TSPAN18: variants seen among roughly 807,000 people sequenced by gnomAD.
TSPAN18 encodes tetraspanin 18.
Under a neutral mutation model 27.3 loss-of-function variants are expected in TSPAN18, and 14 were observed. The ratio of observed to expected loss-of-function variants is 0.51; its 90% confidence interval spans 0.34 to 0.80. TSPAN18 has a LOEUF of 0.80. Among genes scored for constraint, TSPAN18 ranks in the 30% least tolerant of loss-of-function variants. TSPAN18 has a pLI of 0.01. For synonymous variants in TSPAN18, 143 were observed against 136.5 expected, an observed-to-expected ratio of 1.05 and a Z score of -0.33; for missense variants, 268 against 323.9, an observed-to-expected ratio of 0.83 and a Z score of 1.32.
intron 1 of TSPAN18, among the ~76,000 whole-genome samples, chr11:44,728,261 C>G (rs4755278): frequency 0.96 from 146,766 of 152,332 alleles, 70,824 homozygotes; most frequent in Non-Finnish European, 1. Context: ...GGGAAGGCTG[C>G]CAGGGCAAAT....
At position 44,823,459 on chromosome 11, in the gene TSPAN18, G is replaced by T. The variant is rs970824515; in HGVS notation, c.-152-36869G>T. Reference sequence around the variant, plus strand: ...CAGGGCTTTTTATGGACTCACAATGGTGAGTGCATGCCAATTGATTTAGGA... The same window carrying T: ...CAGGGCTTTTTATGGACTCACAATGTTGAGTGCATGCCAATTGATTTAGGA... On this transcript the variant is annotated intron_variant, in intron 2 of 9. Transcript: ENST00000520358. Among the ~76,000 whole-genome samples, 4 of 151,994 alleles carry T rather than the reference G, an allele frequency of 2.6e-5. No homozygotes were observed. The East Asian group carries it at 5.8e-4, about 22-fold the overall frequency.
At chr11:44,877,803 G>A (rs1222463078) in intron 3 of TSPAN18, among the ~76,000 whole-genome samples, 3 of 151,786 alleles carry the variant, frequency 2.0e-5, no homozygotes, top group Admixed American at 6.6e-5. Flanking sequence ...TAAGCTAGTC[G>A]TGGGAAAATA....
At chr11:44,743,876 G>C (rs1010131681) in intron 1 of TSPAN18, among the ~76,000 whole-genome samples, 4 of 152,206 alleles carry the variant, frequency 2.6e-5, no homozygotes, top group African/African-American at 9.6e-5. Flanking sequence ...CACCATCCGA[G>C]TACCCGGTTT....
chr11:44,866,788 A>T (rs1252761806), intron 3 of TSPAN18, among the ~76,000 whole-genome samples: 1 of 152,204 alleles, frequency 6.6e-6, no homozygotes, highest in Non-Finnish European at 1.5e-5. Context: ...CTTCAGCCTA[A>T]GCTGTCTTCC....
chr11:44,729,379 G>A (rs1389306905), intron 1 of TSPAN18, among the ~76,000 whole-genome samples: 1 of 152,140 alleles, frequency 6.6e-6, no homozygotes, highest in Non-Finnish European at 1.5e-5. Flanking sequence ...GAAGGCCAGC[G>A]TTTCCCGTGT....
chr11:44,826,072 A>G (rs1312190610), intron 2 of TSPAN18, among the ~76,000 whole-genome samples: 1 of 152,178 alleles, frequency 6.6e-6, no homozygotes, highest in East Asian at 1.9e-4. Context: ...ACACTCTTAC[A>G]CCACACACAA....
At chr11:44,772,106 C>G (rs1449539322) in intron 2 of TSPAN18, among the ~76,000 whole-genome samples, 1 of 152,140 alleles carries the variant, frequency 6.6e-6, no homozygotes, top group Non-Finnish European at 1.5e-5. Context: ...ATTTAGGTCT[C>G]CAGTTGATTG....
At chr11:44,753,052 G>T (rs1318955305) in intron 1 of TSPAN18, among the ~76,000 whole-genome samples, 1 of 152,154 alleles carries the variant, frequency 6.6e-6, no homozygotes, top group Non-Finnish European at 1.5e-5. Flanking sequence ...TTTCTTAACA[G>T]TATCCATATA....
intron 3 of TSPAN18, among the ~76,000 whole-genome samples, chr11:44,870,124 G>A (rs180744949): frequency 1.3e-5 from 2 of 152,310 alleles, no homozygotes; most frequent in Non-Finnish European, 2.9e-5. Context: ...ACATTTGCCT[G>A]TTTTAAGGAT....
intron 3 of TSPAN18, among the ~76,000 whole-genome samples, chr11:44,893,180 A>C (rs894617614): frequency 1.3e-5 from 2 of 152,250 alleles, no homozygotes; most frequent in African/African-American, 4.8e-5. Context: ...TGGCAGGGAC[A>C]GGGTGCCCAT....
intron 8 of TSPAN18, among the ~76,000 whole-genome samples, chr11:44,922,884 G>A (rs374862354): frequency 4.6e-5 from 7 of 152,268 alleles, no homozygotes; most frequent in African/African-American, 1.7e-4. Flanking sequence ...CGAGGCGGGC[G>A]GATCACCTGA....
At chr11:44,867,441 C>T (rs1346584791) in intron 3 of TSPAN18, among the ~76,000 whole-genome samples, 1 of 135,776 alleles carries the variant, frequency 7.4e-6, no homozygotes, top group East Asian at 2.1e-4. Context: ...CTCTGTCACC[C>T]AGGCTGGAGT....
intron 1 of TSPAN18, among the ~76,000 whole-genome samples, chr11:44,749,330 G>C (rs909662011): frequency 1.3e-5 from 2 of 152,250 alleles, no homozygotes; most frequent in Non-Finnish European, 2.9e-5. Flanking sequence ...GAGGTAAACT[G>C]CCTGGGACAA....
Position 44,931,379 on chromosome 11 carries a change from G to A in TSPAN18, c.*2201G>A, listed in dbSNP as rs3740789. 0.058 allele frequency: 9,879 copies of A among 169,800 alleles called. 343 individuals carry two copies. The highest frequency in any genetic ancestry group is 0.1 in the Admixed American group (1,715 of 17,198). 10.5% of individuals were successfully genotyped at this position (169,800 alleles called of 1,614,324 possible). On this transcript the variant is annotated 3_prime_UTR_variant, in exon 10 of 10. Coordinates refer to ENST00000520358, the MANE Select transcript of TSPAN18 (RefSeq NM_130783.5). The stretch of plus-strand genomic sequence containing the variant: ...ATGCTGGGCAGGACTGAGGCAAATT[G>A]CACAGCTTTATGGCTCTAATCCAGG...
At chr11:44,850,195 C>T (rs137938569) in intron 2 of TSPAN18, among the ~76,000 whole-genome samples, 132 of 152,280 alleles carry the variant, frequency 8.7e-4, no homozygotes, top group African/African-American at 3.1e-3. Flanking sequence ...TGCTTGTCCC[C>T]GACATGGCTG....
intron 1 of TSPAN18, among the ~76,000 whole-genome samples, chr11:44,742,287 T>TC (rs1854958517): frequency 7.4e-6 from 1 of 134,774 alleles, no homozygotes; most frequent in Admixed American, 7.9e-5. Context: ...CTTCCTTCTT[T>TC]CTTCCCTCCC....
At chr11:44,764,252 A>G (rs567869336) in intron 1 of TSPAN18, among the ~76,000 whole-genome samples, 174 bp from the exon 2 acceptor site, 40 of 152,246 alleles carry the variant, frequency 2.6e-4, no homozygotes, top group Middle Eastern at 3.4e-3. Context: ...TTGAGATTTG[A>G]TGGGGACACA....
chr11:44,841,333 A>G (rs756225943), intron 2 of TSPAN18, among the ~76,000 whole-genome samples: 10 of 152,186 alleles, frequency 6.6e-5, no homozygotes, highest in Non-Finnish European at 1.5e-4. Flanking sequence ...CCTGGCCAAC[A>G]TGGTGAAACC....
intron 2 of TSPAN18, among the ~76,000 whole-genome samples, chr11:44,775,590 C>T (rs76873282): frequency 2.6e-5 from 4 of 151,994 alleles, no homozygotes; most frequent in African/African-American, 4.8e-5. Context: ...TTTGCTCCCT[C>T]TAGTGGCGGG....
Sources: gnomAD v4.1 joint callset for allele counts (sites outside exome capture counted in the v4.1 genomes callset) on GRCh38, gnomAD v4.1.1 for gene constraint, MANE v1.5 for transcripts, NCBI Gene and HGNC (gene_info 2026-07-23, HGNC 2026-07-21) for gene names.